The following ADAD1 variants were observed in gnomAD, a reference collection of about 807,000 sequenced individuals.
ADAD1 encodes the protein adenosine deaminase domain-containing protein 1.
Under a neutral mutation model 66.8 loss-of-function variants are expected in ADAD1, and 46 were observed. The observed-to-expected ratio is 0.69, with a 90% CI of 0.54 to 0.88. The LOEUF (loss-of-function observed/expected upper bound fraction) is 0.88. Among genes scored for constraint, ADAD1 ranks in the 40% least tolerant of loss-of-function variants. The pLI, the probability that ADAD1 is intolerant of heterozygous loss-of-function variation, is 0.00. For missense variants in ADAD1, 617 were observed against 681.8 expected (o/e 0.91, Z 1.06); for synonymous variants, 248 against 229.4 (o/e 1.08, Z -0.73).
At chr4:122,391,454 A>C (rs1248734517) in intron 5 of ADAD1, among the ~76,000 whole-genome samples, 1 of 152,200 alleles carries the variant, frequency 6.6e-6, no homozygotes, top group African/African-American at 2.4e-5. Flanking sequence ...CCTCAGAACT[A>C]CCAGGAAGAA....
chr4:122,393,906 A>G lies in ADAD1; in HGVS notation c.598+249A>G, dbSNP rs371890657. 2.6e-5 allele frequency among the ~76,000 whole-genome samples: 4 copies of G among 152,294 alleles called. No homozygotes were observed. In the East Asian group the frequency reaches 5.8e-4, roughly 22 times the overall value. ...AGGAGATGTTTTATCAATTTCATACATCTTTTTTAGAATTCTTTGCTTTGG... is the reference window on the plus strand; with the variant it reads ...AGGAGATGTTTTATCAATTTCATACGTCTTTTTTAGAATTCTTTGCTTTGG... On this transcript the variant is annotated intron_variant, in intron 6 of 12. Coordinates refer to ENST00000296513, the MANE Select transcript of ADAD1 (RefSeq NM_139243.4).
intron 7 of ADAD1, among the ~76,000 whole-genome samples, chr4:122,403,597 G>A (rs560017905): frequency 6.6e-6 from 1 of 152,244 alleles, no homozygotes; most frequent in South Asian, 2.1e-4. Context: ...ACGAGTTGCT[G>A]TAATGGCTTG....
intron 7 of ADAD1, among the ~76,000 whole-genome samples, chr4:122,406,968 G>A (rs1796241951): frequency 6.6e-6 from 1 of 151,970 alleles, no homozygotes; most frequent in Non-Finnish European, 1.5e-5. Flanking sequence ...TTCTTCTGCT[G>A]TAAGCCTCAT....
chr4:122,393,781 C>T, intron 6 of ADAD1, 124 bp downstream of exon 6: 1 of 642,438 alleles, frequency 1.6e-6, no homozygotes, highest in Non-Finnish European at 2.3e-6. Context: ...AAACCTTTCA[C>T]ACTTCTACAA....
chr4:122,401,884 T>C (rs543594133), intron 7 of ADAD1, among the ~76,000 whole-genome samples: 1 of 152,258 alleles, frequency 6.6e-6, no homozygotes, highest in African/African-American at 2.4e-5. Flanking sequence ...TGAGTCCTTA[T>C]GTGTTAGGTG....
intron 6 of ADAD1, 82 bp from the exon 7 acceptor site, chr4:122,396,170 T>A: frequency 8.6e-7 from 1 of 1,167,856 alleles, no homozygotes; most frequent in Non-Finnish European, 1.1e-6. Flanking sequence ...AATAATTTGA[T>A]TGTAAGGTTA....
chr4:122,406,597 T>A (rs534183033), intron 7 of ADAD1, among the ~76,000 whole-genome samples: 1 of 152,206 alleles, frequency 6.6e-6, no homozygotes, highest in Admixed American at 6.5e-5. Flanking sequence ...AGCTTCCCCA[T>A]AGCTCTTTGG....
At chr4:122,379,227 G>C (rs1794747751) in intron 1 of ADAD1, 112 bp downstream of exon 1, 1 of 152,450 alleles carries the variant, frequency 6.6e-6, no homozygotes, top group South Asian at 2.1e-4. Context: ...GGGGGGCACG[G>C]GACAGTAAGG....
chr4:122,397,641 T>A (rs1186937461), intron 7 of ADAD1, among the ~76,000 whole-genome samples: 1 of 152,104 alleles, frequency 6.6e-6, no homozygotes, highest in East Asian at 1.9e-4. Flanking sequence ...TGTGATGGAG[T>A]GCCTACATTA....
intron 5 of ADAD1, among the ~76,000 whole-genome samples, chr4:122,384,881 C>T (rs771184797): frequency 6.6e-5 from 10 of 152,162 alleles, no homozygotes; most frequent in Admixed American, 1.3e-4. Flanking sequence ...TGTCTGCTGT[C>T]GGCACTTCTA....
Position 122,410,258 on chromosome 4 carries a change from G to A in ADAD1, c.849-964G>A, listed in dbSNP as rs185346748. 7.1e-4 allele frequency among the ~76,000 whole-genome samples: 108 copies of A among 152,218 alleles called. No homozygotes were observed. The South Asian group carries it at 7.5e-3, about 11-fold the overall frequency. On this transcript the variant is annotated intron_variant, in intron 8 of 12. Coordinates refer to ENST00000296513, the MANE Select transcript of ADAD1 (RefSeq NM_139243.4). ...CTCATTGCCCTCCACCCCTCTTGGT[G>A]CTTATGGAATTATTTGACCTCTTTA...
At position 122,412,683 on chromosome 4, in the gene ADAD1, G is replaced by C. The variant is rs778481597; in HGVS notation, c.1123G>C (p.Asp375His). 1 of 1,613,918 alleles carries C rather than the reference G, an allele frequency of 6.2e-7. No homozygotes were observed. Among genetic ancestry groups the C allele is most frequent in the Non-Finnish European group, 8.5e-7 (1 of 1,179,832 alleles). Residue 375 changes from aspartate to histidine, a missense_variant, in exon 10 of 13, where the codon GAT (aspartate) becomes CAT (histidine). Physicochemically the swap from Asp to His is moderately conservative, Grantham distance 81 (BLOSUM62 -1). Coordinates refer to ENST00000296513, the MANE Select transcript of ADAD1 (RefSeq NM_139243.4). Reference sequence around the variant, plus strand: ...TTATCTGACTGTTTACTGTCCTAAAGATGGTGTTAATAGAATAAGCAGTAT... The same window carrying C: ...TTATCTGACTGTTTACTGTCCTAAACATGGTGTTAATAGAATAAGCAGTAT... ...KIYLTVYCPK[D>H]GVNRISSMSS...
At chr4:122,403,769 C>T (rs371746669) in intron 7 of ADAD1, among the ~76,000 whole-genome samples, 35 of 152,146 alleles carry the variant, frequency 2.3e-4, no homozygotes, top group African/African-American at 7.2e-4. Context: ...CTTTTGTCTT[C>T]GGCTACCAGC....
chr4:122,408,164 GTCA>G, intron 8 of ADAD1, 133 bp downstream of exon 8: 1 of 926,508 alleles, frequency 1.1e-6, no homozygotes, highest in Non-Finnish European at 1.5e-6. Context: ...TCTTATCTAA[GTCA>G]TCGGATTAAT....
At chr4:122,399,890 G>T (rs1278702235) in intron 7 of ADAD1, among the ~76,000 whole-genome samples, 1 of 151,760 alleles carries the variant, frequency 6.6e-6, no homozygotes, top group Non-Finnish European at 1.5e-5. Flanking sequence ...ATCATATCTG[G>T]GAGGTTTTTG....
intron 9 of ADAD1, 91 bp downstream of exon 9, chr4:122,411,483 A>G (rs1796464580): frequency 7.9e-7 from 1 of 1,265,946 alleles, no homozygotes; most frequent in Non-Finnish European, 1.1e-6. Flanking sequence ...TATAAATTCT[A>G]ATTACCCGTA....
chr4:122,398,474 T>C (rs2150558633), intron 7 of ADAD1, among the ~76,000 whole-genome samples: 1 of 152,248 alleles, frequency 6.6e-6, no homozygotes, highest in South Asian at 2.1e-4. Context: ...TGACTTTTTT[T>C]CCTCTGGGTA....
chr4:122,382,122 G>A (rs945654494), intron 4 of ADAD1, among the ~76,000 whole-genome samples: 1 of 152,162 alleles, frequency 6.6e-6, no homozygotes, highest in Non-Finnish European at 1.5e-5. Flanking sequence ...TAACTAGTTA[G>A]CTTTCCTCCA....
At chr4:122,420,828 CA>C (rs1238033390) in intron 11 of ADAD1, among the ~76,000 whole-genome samples, 3 of 152,060 alleles carry the variant, frequency 2.0e-5, no homozygotes, top group Non-Finnish European at 2.9e-5. Context: ...TTTATTGAGC[CA>C]AAACTTCTTG....
Sources: allele counts gnomAD v4.1 joint callset (sites outside exome capture counted in the v4.1 genomes callset), GRCh38; gene constraint gnomAD v4.1.1; transcripts MANE v1.5; gene names NCBI Gene and HGNC (gene_info 2026-07-23, HGNC 2026-07-21).